Variants in STX12 observed in about 807,000 individuals in gnomAD.
STX12 encodes the protein syntaxin-12.
Under a neutral mutation model 42.2 loss-of-function variants are expected in STX12, and 17 were observed. The observed-to-expected ratio is 0.40, with a 90% CI of 0.28 to 0.60. The LOEUF (loss-of-function observed/expected upper bound fraction) is 0.60, where lower values mean the gene tolerates loss of function less well. STX12 is among the 20% of genes least tolerant of loss of function. STX12 has a pLI of 0.39. For missense variants in STX12, 297 were observed against 330.9 expected (o/e 0.90, Z 0.79); for synonymous variants, 108 against 116.7 (o/e 0.93, Z 0.48).
chr1:27,799,474 C>CTTTTTTTTTTTTTT (rs1557803049), intron 3 of STX12, among the ~76,000 whole-genome samples: 2 of 128,668 alleles, frequency 1.6e-5, no homozygotes, highest in African/African-American at 9.3e-5. Context: ...AACTCATTAG[C>CTTTTTTTTTTTTTT]TTGTTTTTTT....
In STX12 at chr1:27,780,844, T is replaced by TGGGA; in HGVS notation, c.118+7422_118+7425dup. On this transcript the variant is annotated intron_variant, in intron 1 of 8. Transcript: ENST00000373943. ...GCACACACCTGTAGTCCCAGCTACTTGGGAGGCTGAGATGGGCAAATCGCT... is the reference window on the plus strand; with the variant it reads ...GCACACACCTGTAGTCCCAGCTACTTGGGAGGGAGGCTGAGATGGGCAAATCGCT... Among the ~76,000 whole-genome samples, 2 of 151,298 alleles carry TGGGA rather than the reference T, an allele frequency of 1.3e-5. 1 individual carries two copies.
intron 3 of STX12, among the ~76,000 whole-genome samples, chr1:27,795,434 T>C (rs1217126552): frequency 6.6e-6 from 1 of 152,034 alleles, no homozygotes; most frequent in Non-Finnish European, 1.5e-5. Flanking sequence ...GCTTCCCAAG[T>C]TGCTGGGATT....
In STX12 at chr1:27,793,599, G is replaced by T; in HGVS notation, c.255G>T (p.Gly85=). The change falls in exon 3 of 9, where the codon GGG becomes GGT. Residue 85 remains glycine, a synonymous_variant. Coordinates refer to ENST00000373943, the MANE Select transcript of STX12 (RefSeq NM_177424.3). ...CAAATGAATTGCTGAAAGAATTAGG[G>T]TCCTTGCCCCTTCCCTTATCTACTT... ...KETNELLKEL[G]SLPLPLSTSE... 1 of 1,614,012 alleles carries T rather than the reference G, an allele frequency of 6.2e-7. No homozygotes were observed. Among genetic ancestry groups the T allele is most frequent in the Non-Finnish European group, 8.5e-7 (1 of 1,179,976 alleles).
chr1:27,780,058 TG>T (rs1557797621), intron 1 of STX12, among the ~76,000 whole-genome samples: 1 of 152,076 alleles, frequency 6.6e-6, no homozygotes, highest in African/African-American at 2.4e-5. Context: ...CCCAAAGTGC[TG>T]GGATTACAAG....
At chr1:27,793,788 A>T (rs887814846) in intron 3 of STX12, among the ~76,000 whole-genome samples, 156 bp downstream of exon 3, 1 of 152,076 alleles carries the variant, frequency 6.6e-6, no homozygotes, top group Non-Finnish European at 1.5e-5. Flanking sequence ...GGGATATGTG[A>T]CTGTTGGGGC....
intron 1 of STX12, among the ~76,000 whole-genome samples, chr1:27,785,251 G>T (rs2088691890): frequency 6.6e-6 from 1 of 152,184 alleles, no homozygotes; most frequent in African/African-American, 2.4e-5. Context: ...ATGGGTGTGT[G>T]TGTGTTGGGA....
intron 4 of STX12, 166 bp downstream of exon 4, chr1:27,801,981 C>A: frequency 1.7e-6 from 1 of 599,792 alleles, no homozygotes; most frequent in Non-Finnish European, 2.6e-6. Context: ...GTGATCAAAG[C>A]CTAGAAAGGA....
intron 3 of STX12, among the ~76,000 whole-genome samples, chr1:27,796,089 T>C (rs1266283822): frequency 6.6e-6 from 1 of 152,234 alleles, no homozygotes; most frequent in Admixed American, 6.5e-5. Context: ...GAAGTTATTT[T>C]TGGATTATGC....
intron 2 of STX12, among the ~76,000 whole-genome samples, chr1:27,792,156 A>G (rs1457101605): frequency 8.2e-6 from 1 of 122,146 alleles, no homozygotes; most frequent in African/African-American, 4.0e-5. Context: ...ATATATGTGT[A>G]TCTATATATG....
intron 6 of STX12, among the ~76,000 whole-genome samples, chr1:27,814,603 C>T (rs747113936): frequency 6.6e-5 from 10 of 151,948 alleles, no homozygotes; most frequent in Non-Finnish European, 1.3e-4. Flanking sequence ...AATCCCAGCA[C>T]TTTGGGAGGC....
chr1:27,797,979 G>A (rs1325311957), intron 3 of STX12, among the ~76,000 whole-genome samples: 1 of 151,874 alleles, frequency 6.6e-6, no homozygotes, highest in Non-Finnish European at 1.5e-5. Context: ...GTGATCCTGG[G>A]CAAATTACAT....
At chr1:27,797,222 A>G (rs879881261) in intron 3 of STX12, among the ~76,000 whole-genome samples, 1 of 151,884 alleles carries the variant, frequency 6.6e-6, no homozygotes, top group East Asian at 1.9e-4. Flanking sequence ...CCACCACGCT[A>G]ATTTTTGTAT....
At chr1:27,782,128 G>C (rs1050233781) in intron 1 of STX12, among the ~76,000 whole-genome samples, 1 of 152,120 alleles carries the variant, frequency 6.6e-6, no homozygotes, top group Non-Finnish European at 1.5e-5. Context: ...TTGAGAAAGG[G>C]TCTTGCTCTG....
intron 8 of STX12, among the ~76,000 whole-genome samples, chr1:27,820,955 A>G (rs1281149725): frequency 6.7e-6 from 1 of 148,250 alleles, no homozygotes; most frequent in Non-Finnish European, 1.5e-5. Flanking sequence ...ATTCTCACTC[A>G]TAGGTGGGAA....
rs61253983 is a variant in STX12, at chr1:27,798,780, CAAAAAA to C, written c.289-2879_289-2874del. On this transcript the variant is annotated intron_variant, in intron 3 of 8. Transcript: ENST00000373943. ...TGGACGACAGAGCGAGACTCCGTCT[CAAAAAA>C]AAAAAAAAAAAAAAAAAATTAGCCA... Among the ~76,000 whole-genome samples the C allele has an allele frequency of 6.4e-3, 351 of 54,518 alleles. 2 individuals are homozygous for C. The highest frequency in any genetic ancestry group is 0.02 in the African/African-American group (315 of 15,988). 35.8% of individuals were successfully genotyped at this position (54,518 alleles called of 152,430 possible). A position where few individuals can be genotyped will look rare whatever the true frequency, so the allele number is the denominator to read the frequency against.
chr1:27,805,810 A>G (rs942796509), intron 4 of STX12, among the ~76,000 whole-genome samples: 1 of 152,212 alleles, frequency 6.6e-6, no homozygotes, highest in Admixed American at 6.5e-5. Flanking sequence ...GCTAGCAGAA[A>G]TATACAATTG....
At chr1:27,803,739 C>T (rs977644908) in intron 4 of STX12, among the ~76,000 whole-genome samples, 1 of 152,206 alleles carries the variant, frequency 6.6e-6, no homozygotes, top group African/African-American at 2.4e-5. Context: ...CGTGGTGGCT[C>T]ACACCTGTAA....
At chr1:27,816,068 C>T (rs2088939064) in intron 6 of STX12, among the ~76,000 whole-genome samples, 1 of 152,158 alleles carries the variant, frequency 6.6e-6, no homozygotes, top group South Asian at 2.1e-4. Flanking sequence ...GTAATCCCAG[C>T]ACTTTGGGAG....
chr1:27,811,852 C>G (rs1287282673), intron 5 of STX12: 2 of 414,088 alleles, frequency 4.8e-6, no homozygotes, highest in Non-Finnish European at 4.7e-6. Flanking sequence ...TCTCTGGCTA[C>G]TTTCCTTGTC....
Sources: gnomAD v4.1 joint callset for allele counts (sites outside exome capture counted in the v4.1 genomes callset) on GRCh38, gnomAD v4.1.1 for gene constraint, MANE v1.5 for transcripts, NCBI Gene and HGNC (gene_info 2026-07-23, HGNC 2026-07-21) for gene names.